Variants in CPEB3 observed in about 807,000 individuals in gnomAD.
The protein encoded by CPEB3 is cytoplasmic polyadenylation element-binding protein 3.
CPEB3 carries 20 observed loss-of-function variants against 67.2 expected under a neutral mutation model. The observed-to-expected ratio is 0.30, with a 90% CI of 0.21 to 0.43. The LOEUF is 0.43. Ranked by LOEUF, CPEB3 falls within the 20% of genes least tolerant of loss-of-function variation. CPEB3 has a pLI of 1.00. For synonymous variants in CPEB3, 376 were observed against 393.1 expected (o/e 0.96, Z 0.51); for missense variants, 746 against 968.6 (o/e 0.77, Z 3.05).
chr10:92,211,903 G>T (rs577284575), intron 2 of CPEB3, among the ~76,000 whole-genome samples: 1 of 151,008 alleles, frequency 6.6e-6, no homozygotes, highest in East Asian at 2.0e-4. Flanking sequence ...GTTTCACTTT[G>T]TTGCCCAGGC....
chr10:92,058,592 C>CATACATACATACATAT (rs534976355), intron 9 of CPEB3, among the ~76,000 whole-genome samples: 12 of 140,386 alleles, frequency 8.5e-5, no homozygotes, highest in African/African-American at 3.2e-4. Flanking sequence ...TACATACATA[C>CATACATACATACATAT]ATATATATAT....
chr10:92,229,898 T>A (rs1188053446), intron 2 of CPEB3, among the ~76,000 whole-genome samples: 1 of 152,002 alleles, frequency 6.6e-6, no homozygotes, highest in African/African-American at 2.4e-5. Context: ...AACACAAAAT[T>A]AGCAGGGCAT....
chr10:92,114,308 A>T (rs1844895481), intron 6 of CPEB3, among the ~76,000 whole-genome samples: 1 of 152,260 alleles, frequency 6.6e-6, no homozygotes, highest in Non-Finnish European at 1.5e-5. Context: ...GGATTTTTTA[A>T]AATCAGGAAG....
At chr10:92,256,307 G>A (rs1386876143) in intron 1 of CPEB3, among the ~76,000 whole-genome samples, 2 of 151,574 alleles carry the variant, frequency 1.3e-5, no homozygotes, top group Non-Finnish European at 2.9e-5. Context: ...GTAATCATTC[G>A]AACATAGTTT....
chr10:92,264,307 G>T (rs1590571892), intron 1 of CPEB3, among the ~76,000 whole-genome samples: 1 of 148,990 alleles, frequency 6.7e-6, no homozygotes, highest in South Asian at 2.1e-4. Flanking sequence ...CAGCCTGGGG[G>T]ACAGAGTGAG....
chr10:92,176,412 A>G (rs1446717997), intron 4 of CPEB3, among the ~76,000 whole-genome samples: 2 of 152,242 alleles, frequency 1.3e-5, no homozygotes, highest in African/African-American at 2.4e-5. Context: ...CCTCAAGGCC[A>G]TATAGCTTGT....
chr10:92,269,683 G>A (rs933513435), intron 1 of CPEB3, among the ~76,000 whole-genome samples: 23 of 151,960 alleles, frequency 1.5e-4, no homozygotes, highest in Middle Eastern at 3.2e-3. Flanking sequence ...TCAGCCTCCC[G>A]AGTAGCTGGG....
chr10:92,219,881 G>A (rs892922157), intron 2 of CPEB3, among the ~76,000 whole-genome samples: 1 of 152,170 alleles, frequency 6.6e-6, no homozygotes, highest in Non-Finnish European at 1.5e-5. Flanking sequence ...CTCCAGGCCG[G>A]GCATGGTGGC....
Position 92,052,438 on chromosome 10 carries a change from A to G in CPEB3, c.1871T>C (p.Val624Ala). 1 of 1,603,992 alleles carries G rather than the reference A, an allele frequency of 6.2e-7. No homozygotes were observed. The highest frequency in any genetic ancestry group is 8.5e-7 in the Non-Finnish European group (1 of 1,171,570). ...ATCCAGCACATATGGCTTTACTTCA[A>G]CCTGGACCCAAAGAGGAAAGACAGA... ...QLQHNDIDKR[V>A]EVKPYVLDDQ... The change falls in exon 10 of 10, where the codon GTT becomes GCT. Residue 624 changes from valine to alanine, a missense_variant and splice_region_variant. By Grantham distance (64) the Val-to-Ala change is moderately conservative. Coordinates refer to ENST00000265997, the MANE Select transcript of CPEB3 (RefSeq NM_014912.5).
At chr10:92,099,676 A>C (rs1177466109) in intron 7 of CPEB3, among the ~76,000 whole-genome samples, 1 of 143,772 alleles carries the variant, frequency 7.0e-6, no homozygotes, top group East Asian at 2.1e-4. Flanking sequence ...CAACATGGTG[A>C]AACCCCATTT....
intron 2 of CPEB3, among the ~76,000 whole-genome samples, chr10:92,197,350 G>A (rs548008652): frequency 6.6e-6 from 1 of 152,062 alleles, no homozygotes; most frequent in South Asian, 2.1e-4. Flanking sequence ...TGCAAAAACA[G>A]AACAAAAAGG....
intron 1 of CPEB3, among the ~76,000 whole-genome samples, chr10:92,253,189 C>T (rs915895722): frequency 1.3e-5 from 2 of 151,960 alleles, no homozygotes; most frequent in African/African-American, 2.4e-5. Flanking sequence ...AGGCTGGGCA[C>T]GGTAGCTCAC....
chr10:92,217,199 T>A, intron 2 of CPEB3, among the ~76,000 whole-genome samples: 1 of 77,650 alleles, frequency 1.3e-5, no homozygotes, highest in African/African-American at 8.1e-5. Flanking sequence ...ACAGCGAGAC[T>A]CTGCCTCAAA....
At chr10:92,124,963 G>C (rs921795065) in intron 6 of CPEB3, among the ~76,000 whole-genome samples, 1 of 152,192 alleles carries the variant, frequency 6.6e-6, no homozygotes, top group Non-Finnish European at 1.5e-5. Flanking sequence ...TAGCTAGCTG[G>C]CTTGTGTTCA....
intron 1 of CPEB3, among the ~76,000 whole-genome samples, chr10:92,246,511 CT>C (rs755522694): frequency 1.8e-3 from 257 of 143,718 alleles, no homozygotes; most frequent in Middle Eastern, 7.2e-3. Flanking sequence ...AGGATGTCAA[CT>C]TTTTTTTTTT....
At chr10:92,206,460 G>A (rs1298716498) in intron 2 of CPEB3, among the ~76,000 whole-genome samples, 1 of 152,074 alleles carries the variant, frequency 6.6e-6, no homozygotes, top group African/African-American at 2.4e-5. Context: ...TTGAGACAGG[G>A]TCTCACTTTG....
intron 6 of CPEB3, among the ~76,000 whole-genome samples, chr10:92,136,163 T>TA (rs34079997): frequency 0.28 from 42,070 of 148,768 alleles, 6,546 homozygotes; most frequent in Admixed American, 0.37. Context: ...AGTATAATAA[T>TA]AAAAAAAAAA....
intron 2 of CPEB3, among the ~76,000 whole-genome samples, chr10:92,206,348 C>T (rs1327961341): frequency 6.6e-6 from 1 of 152,192 alleles, no homozygotes; most frequent in African/African-American, 2.4e-5. Context: ...GCTGGGACTA[C>T]AGGCATGAGC....
intron 7 of CPEB3, among the ~76,000 whole-genome samples, chr10:92,095,633 C>CGT (rs1314901919): frequency 7.6e-6 from 1 of 132,162 alleles, no homozygotes; most frequent in East Asian, 2.1e-4. Flanking sequence ...ATATATATTG[C>CGT]GTATATATAT....
Sources: gnomAD v4.1 joint callset for allele counts (sites outside exome capture counted in the v4.1 genomes callset) on GRCh38, gnomAD v4.1.1 for gene constraint, MANE v1.5 for transcripts, NCBI Gene and HGNC (gene_info 2026-07-23, HGNC 2026-07-21) for gene names.